CPA6: variants seen among roughly 807,000 people sequenced by gnomAD.
The protein encoded by CPA6 is carboxypeptidase B.
A neutral mutation model predicts 63.3 loss-of-function variants in CPA6; 58 were observed. That is an observed-to-expected ratio of 0.92 (90% confidence interval 0.74 to 1.14). The LOEUF (loss-of-function observed/expected upper bound fraction) is 1.14. CPA6 is among the 50% of genes most tolerant of loss of function. The probability of loss-of-function intolerance (pLI) is 0.00; values close to 1 mark genes in which losing one functional copy is unlikely to be tolerated. For missense variants in CPA6, 565 were observed against 526.6 expected (o/e 1.07, Z -0.71); for synonymous variants, 185 against 179.0 (o/e 1.03, Z -0.27).
At chr8:67,548,772 T>C (rs772306974) in intron 2 of CPA6, among the ~76,000 whole-genome samples, 157 of 152,268 alleles carry the variant, frequency 1.0e-3, no homozygotes, top group Admixed American at 1.7e-3. Flanking sequence ...TAGGCAATGT[T>C]TGAGGGATTT....
chr8:67,671,198 C>A (rs1341230704), intron 1 of CPA6, among the ~76,000 whole-genome samples: 2 of 152,220 alleles, frequency 1.3e-5, no homozygotes, highest in African/African-American at 4.8e-5. Context: ...CTTGCTGATA[C>A]CCCACAATGG....
At chr8:67,605,903 G>A (rs1218177645) in intron 2 of CPA6, among the ~76,000 whole-genome samples, 2 of 152,104 alleles carry the variant, frequency 1.3e-5, no homozygotes, top group African/African-American at 4.8e-5. Context: ...GGATAGGAAG[G>A]AGGGTTACAA....
At chr8:67,593,176 T>G (rs1814184539) in intron 2 of CPA6, among the ~76,000 whole-genome samples, 1 of 150,982 alleles carries the variant, frequency 6.6e-6, no homozygotes, top group African/African-American at 2.5e-5. Flanking sequence ...TTGTTCAGTT[T>G]CCATGTAGTT....
intron 2 of CPA6, among the ~76,000 whole-genome samples, chr8:67,567,687 T>A (rs982832348): frequency 1.3e-5 from 2 of 152,180 alleles, no homozygotes; most frequent in African/African-American, 4.8e-5. Context: ...AAATCTACAT[T>A]GAAAGGGCAG....
intron 8 of CPA6, among the ~76,000 whole-genome samples, chr8:67,450,675 G>T (rs1810537297): frequency 6.6e-6 from 1 of 152,176 alleles, no homozygotes; most frequent in African/African-American, 2.4e-5. Flanking sequence ...AGACGTGAGT[G>T]GTGACAATCT....
At chr8:67,539,383 C>T (rs1812657948) in intron 2 of CPA6, among the ~76,000 whole-genome samples, 2 of 152,208 alleles carry the variant, frequency 1.3e-5, no homozygotes, top group Non-Finnish European at 2.9e-5. Context: ...GTCTGATGGG[C>T]TTCCCTTTGT....
intron 1 of CPA6, among the ~76,000 whole-genome samples, chr8:67,714,106 A>G (rs1417549618): frequency 6.6e-6 from 1 of 152,162 alleles, no homozygotes; most frequent in Non-Finnish European, 1.5e-5. Flanking sequence ...TGTTCCAAGT[A>G]TCTATAAGTT....
intron 4 of CPA6, among the ~76,000 whole-genome samples, 166 bp from the exon 5 acceptor site, chr8:67,509,784 A>G (rs1388465442): frequency 6.6e-6 from 1 of 152,180 alleles, no homozygotes; most frequent in East Asian, 1.9e-4. Context: ...TTTCTTTGGG[A>G]TACTTAAAAT....
At chr8:67,705,328 C>G (rs561918892) in intron 1 of CPA6, among the ~76,000 whole-genome samples, 1 of 152,290 alleles carries the variant, frequency 6.6e-6, no homozygotes, top group South Asian at 2.1e-4. Context: ...ACCTCACCAT[C>G]AACAGAACAA....
intron 2 of CPA6, among the ~76,000 whole-genome samples, chr8:67,543,393 T>C (rs1812746602): frequency 6.6e-6 from 1 of 152,238 alleles, no homozygotes; most frequent in South Asian, 2.1e-4. Context: ...CACAACTTCT[T>C]ACAGCAGCAG....
intron 8 of CPA6, among the ~76,000 whole-genome samples, chr8:67,474,600 C>G (rs1255624775): frequency 6.6e-6 from 1 of 152,118 alleles, no homozygotes; most frequent in Non-Finnish European, 1.5e-5. Flanking sequence ...TGCCTATGCC[C>G]ATAATGCACA....
At chr8:67,681,066 CTTAACAA>C (rs2128995883) in intron 1 of CPA6, among the ~76,000 whole-genome samples, 1 of 152,056 alleles carries the variant, frequency 6.6e-6, no homozygotes, top group Non-Finnish European at 1.5e-5. Flanking sequence ...CTTTTATTCA[CTTAACAA>C]TGTCTGTCCA....
chr8:67,617,952 T>C (rs1013817902), intron 2 of CPA6, among the ~76,000 whole-genome samples: 3 of 152,074 alleles, frequency 2.0e-5, no homozygotes, highest in Non-Finnish European at 4.4e-5. Flanking sequence ...CTAGCAGGAG[T>C]GAGTAGTCTG....
chr8:67,634,328 C>T (rs1815419861), intron 1 of CPA6, among the ~76,000 whole-genome samples: 1 of 150,020 alleles, frequency 6.7e-6, no homozygotes, highest in African/African-American at 2.5e-5. Flanking sequence ...CTCGCATTCT[C>T]CTGCCTCAGC....
At chr8:67,714,434 C>T (rs973437817) in intron 1 of CPA6, among the ~76,000 whole-genome samples, 6 of 152,188 alleles carry the variant, frequency 3.9e-5, no homozygotes, top group Admixed American at 3.9e-4. Context: ...TCAGGCATAA[C>T]GTTTAAAGCT....
chr8:67,615,312 A>G (rs193276945), intron 2 of CPA6, among the ~76,000 whole-genome samples: 24 of 152,354 alleles, frequency 1.6e-4, no homozygotes, highest in African/African-American at 5.5e-4. Context: ...TATACACTTG[A>G]TAGAAAACCT....
intron 2 of CPA6, among the ~76,000 whole-genome samples, chr8:67,574,720 C>G (rs997613508): frequency 6.6e-6 from 1 of 151,976 alleles, no homozygotes; most frequent in African/African-American, 2.4e-5. Flanking sequence ...TATCTCACCC[C>G]ATATACAAAA....
chr8:67,449,417 C>T (rs1810505593), intron 8 of CPA6, among the ~76,000 whole-genome samples: 1 of 152,186 alleles, frequency 6.6e-6, no homozygotes. Flanking sequence ...ACTCTTTTTA[C>T]AGTTTTATCA....
chr8:67,727,899 A>G (rs1817628772), intron 1 of CPA6, among the ~76,000 whole-genome samples: 2 of 152,080 alleles, frequency 1.3e-5, no homozygotes, highest in South Asian at 4.1e-4. Context: ...TAACACAGTG[A>G]AACCTCGTCT....
Sources: gnomAD v4.1 joint callset for allele counts (sites outside exome capture counted in the v4.1 genomes callset) on GRCh38, gnomAD v4.1.1 for gene constraint, MANE v1.5 for transcripts, NCBI Gene and HGNC (gene_info 2026-07-23, HGNC 2026-07-21) for gene names.